INPP4B: variants seen among roughly 807,000 people sequenced by gnomAD.
INPP4B encodes inositol polyphosphate-4-phosphatase type II B, also known as inositol polyphosphate 4-phosphatase type II.
INPP4B carries 55 observed loss-of-function variants against 122.5 expected under a neutral mutation model. That is an observed-to-expected ratio of 0.45 (90% CI 0.36 to 0.56). INPP4B has a LOEUF of 0.56. Among genes scored for constraint, INPP4B ranks in the 20% least tolerant of loss-of-function variants. The probability of loss-of-function intolerance (pLI) is 0.00; values close to 1 mark genes in which losing one functional copy is unlikely to be tolerated. For synonymous variants in INPP4B, 403 were observed against 388.7 expected (o/e 1.04, Z -0.43); for missense variants, 1,000 against 1,097.7 (o/e 0.91, Z 1.26).
At chr4:142,692,352 AC>A (rs1427736358) in intron 2 of INPP4B, among the ~76,000 whole-genome samples, 1 of 152,202 alleles carries the variant, frequency 6.6e-6, no homozygotes, top group African/African-American at 2.4e-5. Context: ...ATAATTTTCC[AC>A]CTTCTATTTG....
rs114152294 is a variant in INPP4B at position 142,734,566 on chromosome 4, G to A, written c.-253-8665C>T. Among the ~76,000 whole-genome samples, 1,345 of 152,178 alleles carry A rather than the reference G, an allele frequency of 8.8e-3. 27 individuals are homozygous for A. The highest frequency in any genetic ancestry group is 0.031 in the African/African-American group (1,278 of 41,506). On this transcript the variant is annotated intron_variant, in intron 1 of 25. Transcript: ENST00000262992. ...CTTAAGATTTGCTCACTTTTCCTTC[G>A]ATACACTTTTCAAGTGACATTAAGA...
In INPP4B at chr4:142,039,326, A is replaced by T. The variant is rs192678136; in HGVS notation, c.2643-10412T>A. Among the ~76,000 whole-genome samples, 417 of 152,348 alleles carry T rather than the reference A, an allele frequency of 2.7e-3. 1 individual carries two copies. Among genetic ancestry groups the T allele is most frequent in the Non-Finnish European group, 4.2e-3 (284 of 68,022 alleles). ...ATTTTCAACTTCAATATTGAAAATAAAAACAAAACTACATGAATATATTTA... is the reference window on the plus strand; with the variant it reads ...ATTTTCAACTTCAATATTGAAAATATAAACAAAACTACATGAATATATTTA... On this transcript the variant is annotated intron_variant, in intron 25 of 25. Coordinates refer to ENST00000262992, the MANE Select transcript of INPP4B (RefSeq NM_001101669.3).
chr4:142,051,014 G>A (rs921707027), intron 25 of INPP4B, among the ~76,000 whole-genome samples: 1 of 151,868 alleles, frequency 6.6e-6, no homozygotes, highest in South Asian at 2.1e-4. Flanking sequence ...TATTCCCTAG[G>A]AATTTTTTAA....
rs76272990 is a variant in INPP4B, at chr4:142,037,411, A to C, written c.2643-8497T>G. Among the ~76,000 whole-genome samples the C allele has an allele frequency of 1.4e-3, 206 of 152,254 alleles. 1 individual carries two copies. The highest frequency in any genetic ancestry group is 4.8e-3 in the African/African-American group (199 of 41,564). ...ACTCTCTCAAATCACTCTGACTTCT[A>C]AAAATAAAAGTCAGTCTTCCTATCT... On this transcript the variant is annotated intron_variant, in intron 25 of 25. Coordinates refer to ENST00000262992, the MANE Select transcript of INPP4B (RefSeq NM_001101669.3).
intron 11 of INPP4B, among the ~76,000 whole-genome samples, chr4:142,255,734 G>A (rs1449305559): frequency 5.3e-5 from 8 of 151,976 alleles, no homozygotes; most frequent in Non-Finnish European, 8.8e-5. Context: ...AAGAGACTTC[G>A]ACTCCCACAC....
chr4:142,803,178 A>T (rs1778235778), intron 1 of INPP4B, among the ~76,000 whole-genome samples: 4 of 148,408 alleles, frequency 2.7e-5, no homozygotes, highest in Admixed American at 2.7e-4. Context: ...TCTCAAAAAA[A>T]AAAAAAAAGA....
intron 1 of INPP4B, among the ~76,000 whole-genome samples, chr4:142,814,918 A>G (rs1022642291): frequency 6.6e-6 from 1 of 152,094 alleles, no homozygotes; most frequent in Non-Finnish European, 1.5e-5. Context: ...TTCGAGTCCA[A>G]TGTGGAAAAG....
intron 2 of INPP4B, among the ~76,000 whole-genome samples, chr4:142,678,941 C>T (rs1055460158): frequency 1.3e-5 from 2 of 151,700 alleles, no homozygotes; most frequent in Non-Finnish European, 2.9e-5. Flanking sequence ...TTAACAATTC[C>T]TTTCAGTAAT....
chr4:142,544,266 C>G (rs1282808478), intron 2 of INPP4B, among the ~76,000 whole-genome samples: 2 of 151,932 alleles, frequency 1.3e-5, no homozygotes, highest in African/African-American at 2.4e-5. Context: ...GTGTTAGAAT[C>G]AATCTGGCTC....
At chr4:142,260,153 T>C (rs1739121326) in intron 11 of INPP4B, among the ~76,000 whole-genome samples, 1 of 152,022 alleles carries the variant, frequency 6.6e-6, no homozygotes, top group African/African-American at 2.4e-5. Context: ...CCCAGCTAAT[T>C]TTTGGTATTT....
At chr4:142,398,376 T>TAAAAAA (rs1183246808) in intron 7 of INPP4B, among the ~76,000 whole-genome samples, 5 of 8,816 alleles carry the variant, frequency 5.7e-4, no homozygotes, top group Non-Finnish European at 6.1e-4. Flanking sequence ...AGACTCTGTC[T>TAAAAAA]AAAAAAAAAA....
intron 2 of INPP4B, among the ~76,000 whole-genome samples, chr4:142,621,290 C>T (rs1482524106): frequency 1.3e-5 from 2 of 151,790 alleles, no homozygotes; most frequent in Non-Finnish European, 2.9e-5. Context: ...AGAAACTTAG[C>T]AGTAGAGAGG....
At chr4:142,512,796 A>T (rs1403920504) in intron 2 of INPP4B, among the ~76,000 whole-genome samples, 1 of 152,108 alleles carries the variant, frequency 6.6e-6, no homozygotes, top group Non-Finnish European at 1.5e-5. Flanking sequence ...TCTATTTCAA[A>T]CTTTTTTTAG....
intron 1 of INPP4B, among the ~76,000 whole-genome samples, chr4:142,837,353 T>C (rs952339193): frequency 6.6e-6 from 1 of 152,130 alleles, no homozygotes; most frequent in Non-Finnish European, 1.5e-5. Flanking sequence ...ACAAATACAG[T>C]CTTGTTACAT....
chr4:142,363,580 A>C (rs1218865448), intron 7 of INPP4B, among the ~76,000 whole-genome samples: 1 of 151,996 alleles, frequency 6.6e-6, no homozygotes, highest in Non-Finnish European at 1.5e-5. Flanking sequence ...GTATTTGTAA[A>C]GAGATAATGT....
chr4:142,804,820 C>A (rs2151100037), intron 1 of INPP4B, among the ~76,000 whole-genome samples: 1 of 152,256 alleles, frequency 6.6e-6, no homozygotes, highest in African/African-American at 2.4e-5. Flanking sequence ...GTTTGTGCCA[C>A]CACGTCCAGC....
At chr4:142,569,791 A>G (rs1309547374) in intron 2 of INPP4B, among the ~76,000 whole-genome samples, 2 of 152,182 alleles carry the variant, frequency 1.3e-5, no homozygotes, top group African/African-American at 2.4e-5. Context: ...AAAGGTCCGC[A>G]TGAAAAATGA....
chr4:142,768,246 A>T (rs2150990942), intron 1 of INPP4B, among the ~76,000 whole-genome samples: 1 of 152,314 alleles, frequency 6.6e-6, no homozygotes, highest in Admixed American at 6.5e-5. Context: ...ACCATGTGAT[A>T]CAAAAATAAT....
intron 2 of INPP4B, among the ~76,000 whole-genome samples, chr4:142,651,261 A>G (rs920157379): frequency 6.6e-6 from 1 of 152,230 alleles, no homozygotes; most frequent in Non-Finnish European, 1.5e-5. Context: ...TGCCTGCAAG[A>G]GAAAGAAGGA....
Sources: allele counts gnomAD v4.1 joint callset (sites outside exome capture counted in the v4.1 genomes callset), GRCh38; gene constraint gnomAD v4.1.1; transcripts MANE v1.5; gene names NCBI Gene and HGNC (gene_info 2026-07-23, HGNC 2026-07-21).